RFX3: variants seen among roughly 807,000 people sequenced by gnomAD.
RFX3 encodes the protein regulatory factor X3, also known as transcription factor RFX3.
Under a neutral mutation model 98.6 loss-of-function variants are expected in RFX3, and 14 were observed. That is an observed-to-expected ratio of 0.14 (90% CI 0.09 to 0.22). The LOEUF is 0.22. RFX3 is among the 10% of genes least tolerant of loss of function. The pLI, the probability that RFX3 is intolerant of heterozygous loss-of-function variation, is 1.00. For missense variants in RFX3, 639 were observed against 926.9 expected (o/e 0.69, Z 4.03); for synonymous variants, 383 against 328.4 (o/e 1.17, Z -1.80).
intron 1 of RFX3, among the ~76,000 whole-genome samples, chr9:3,445,268 C>G (rs927135400): frequency 2.0e-5 from 3 of 152,100 alleles, no homozygotes; most frequent in African/African-American, 7.2e-5. Context: ...GAGAAGGGAG[C>G]ATTTATAATG....
Position 3,506,531 on chromosome 9 carries a change from G to C in RFX3, c.-9+19216C>G, listed in dbSNP as rs1009788909. Among the ~76,000 whole-genome samples, 158 of 151,788 alleles carry C rather than the reference G, an allele frequency of 1.0e-3. 1 individual carries two copies. The highest frequency in any genetic ancestry group is 8.3e-4 in the South Asian group (4 of 4,820). On this transcript the variant is annotated intron_variant, in intron 1 of 16. Transcript: ENST00000617270. ...CCCCGCATGTCTCTCCTATATTAAG[G>C]AATTCTTGCACCCTGTCACAACTAG... is the stretch of plus-strand genomic sequence containing the variant.
chr9:3,255,338 C>T (rs958202495), intron 14 of RFX3, among the ~76,000 whole-genome samples: 4 of 152,172 alleles, frequency 2.6e-5, no homozygotes, highest in Non-Finnish European at 5.9e-5. Context: ...TTAGTTCCTA[C>T]ATTCTATTAC....
rs139937991 is a variant in RFX3, at chr9:3,322,940, C to G, written c.474+7319G>C. ...TTGAAAGCACAATTAAACATCACATCTTCCTTTCCTATAAGACAGATGAAA... is the reference window on the plus strand; with the variant it reads ...TTGAAAGCACAATTAAACATCACATGTTCCTTTCCTATAAGACAGATGAAA... On this transcript the variant is annotated intron_variant, in intron 4 of 16. Transcript: ENST00000617270. 2.2e-3 allele frequency among the ~76,000 whole-genome samples: 332 copies of G among 152,292 alleles called. 3 individuals are homozygous for G. Among genetic ancestry groups the G allele is most frequent in the Admixed American group, 3.2e-3 (49 of 15,290 alleles).
chr9:3,402,590 A>T (rs12347985), intron 1 of RFX3, among the ~76,000 whole-genome samples: 1 of 151,838 alleles, frequency 6.6e-6, no homozygotes, highest in African/African-American at 2.4e-5. Context: ...AATGTTTTGC[A>T]GGTGAAAATT....
In RFX3 at chr9:3,328,180, A is replaced by G. The variant is rs985781740; in HGVS notation, c.474+2079T>C. ...AAAGGTAAATTTTGCCCCGTTTTTCAGTTTTCCTAAGGCCTTGATAAGTGG... is the reference window on the plus strand; with the variant it reads ...AAAGGTAAATTTTGCCCCGTTTTTCGGTTTTCCTAAGGCCTTGATAAGTGG... On this transcript the variant is annotated intron_variant, in intron 4 of 16. Coordinates refer to ENST00000617270, the MANE Select transcript of RFX3 (RefSeq NM_001282116.2). 4.6e-5 allele frequency among the ~76,000 whole-genome samples: 7 copies of G among 152,270 alleles called. No homozygotes were observed. The South Asian group carries it at 1.5e-3, about 32-fold the overall frequency.
intron 3 of RFX3, among the ~76,000 whole-genome samples, chr9:3,340,146 A>C (rs1041007850): frequency 1.3e-5 from 2 of 152,224 alleles, no homozygotes; most frequent in African/African-American, 4.8e-5. Context: ...AAAACAAGCA[A>C]TGGGGAAAGG....
At chr9:3,505,793 C>T (rs955208130) in intron 1 of RFX3, among the ~76,000 whole-genome samples, 1 of 148,976 alleles carries the variant, frequency 6.7e-6, no homozygotes, top group Admixed American at 6.7e-5. Context: ...TACCCCCCTG[C>T]TTCTCACATT....
At chr9:3,271,689 G>A (rs1824499249) in intron 9 of RFX3, among the ~76,000 whole-genome samples, 1 of 152,124 alleles carries the variant, frequency 6.6e-6, no homozygotes, top group Non-Finnish European at 1.5e-5. Flanking sequence ...CTTTGGGCTA[G>A]GTAACCACTG....
chr9:3,275,865 G>GTA (rs1358924290), intron 8 of RFX3, among the ~76,000 whole-genome samples: 1 of 151,998 alleles, frequency 6.6e-6, no homozygotes, highest in Non-Finnish European at 1.5e-5. Context: ...ACTGCAAATA[G>GTA]TATACTGCAT....
intron 1 of RFX3, among the ~76,000 whole-genome samples, chr9:3,480,400 G>A (rs980096318): frequency 6.6e-6 from 1 of 152,118 alleles, no homozygotes; most frequent in Non-Finnish European, 1.5e-5. Context: ...ATAAGTTGTC[G>A]GGCCTTTTTG....
At chr9:3,328,667 G>GT (rs1037697776) in intron 4 of RFX3, among the ~76,000 whole-genome samples, 3 of 152,046 alleles carry the variant, frequency 2.0e-5, no homozygotes, top group African/African-American at 7.2e-5. Context: ...AAAATAAAGA[G>GT]TTTTTTAAAA....
At chr9:3,233,447 C>G (rs1431571943) in intron 15 of RFX3, among the ~76,000 whole-genome samples, 1 of 152,222 alleles carries the variant, frequency 6.6e-6, no homozygotes, top group Non-Finnish European at 1.5e-5. Context: ...CATAGTGAGG[C>G]AGGCAAGCCT....
chr9:3,496,356 T>C (rs1406469605), intron 1 of RFX3, among the ~76,000 whole-genome samples: 1 of 152,122 alleles, frequency 6.6e-6, no homozygotes, highest in African/African-American at 2.4e-5. Context: ...TGAGAGGTCA[T>C]TTTATAAAAG....
intron 1 of RFX3, among the ~76,000 whole-genome samples, chr9:3,418,836 C>T (rs555264576): frequency 2.0e-4 from 31 of 152,212 alleles, no homozygotes; most frequent in African/African-American, 6.3e-4. Context: ...AATGTTAAAA[C>T]AAAGCTGGGG....
At chr9:3,326,959 A>T (rs1831994235) in intron 4 of RFX3, among the ~76,000 whole-genome samples, 1 of 152,274 alleles carries the variant, frequency 6.6e-6, no homozygotes, top group East Asian at 1.9e-4. Context: ...AGTATATGCT[A>T]CTATTGCACA....
intron 14 of RFX3, among the ~76,000 whole-genome samples, 199 bp from the exon 15 acceptor site, chr9:3,248,384 G>C (rs556477815): frequency 6.6e-6 from 1 of 152,158 alleles, no homozygotes; most frequent in African/African-American, 2.4e-5. Flanking sequence ...TCCTCACGGA[G>C]ACTTGATCCT....
chr9:3,474,268 T>C (rs1849030315), intron 1 of RFX3, among the ~76,000 whole-genome samples: 1 of 152,242 alleles, frequency 6.6e-6, no homozygotes, highest in Non-Finnish European at 1.5e-5. Context: ...ACAGTCTATT[T>C]ATACATTTTG....
At chr9:3,401,875 G>A (rs1206542336) in intron 1 of RFX3, among the ~76,000 whole-genome samples, 1 of 152,140 alleles carries the variant, frequency 6.6e-6, no homozygotes, top group African/African-American at 2.4e-5. Context: ...TAACCCCTAC[G>A]AGAAGGAAAA....
chr9:3,239,674 G>A (rs760500050), intron 15 of RFX3, among the ~76,000 whole-genome samples: 4 of 152,212 alleles, frequency 2.6e-5, no homozygotes, highest in African/African-American at 9.7e-5. Context: ...TCAAAAACAG[G>A]AGCATTTAAC....
Sources: allele counts gnomAD v4.1 joint callset (sites outside exome capture counted in the v4.1 genomes callset), GRCh38; gene constraint gnomAD v4.1.1; transcripts MANE v1.5; gene names NCBI Gene and HGNC (gene_info 2026-07-23, HGNC 2026-07-21).